Variants in PDE4D observed in about 807,000 individuals in gnomAD.
PDE4D encodes 3',5'-cyclic-AMP phosphodiesterase 4D.
A neutral mutation model predicts 87.4 loss-of-function variants in PDE4D; 24 were observed. That is an observed-to-expected ratio of 0.27 (90% confidence interval 0.20 to 0.39). The LOEUF is 0.39. PDE4D is among the 10% of genes least tolerant of loss of function. PDE4D has a pLI of 1.00. For synonymous variants in PDE4D, 384 were observed against 383.2 expected (o/e 1.00, Z -0.02); for missense variants, 714 against 1,041.0 (o/e 0.69, Z 4.32).
At chr5:59,778,486 A>G (rs1211593692) in intron 1 of PDE4D, among the ~76,000 whole-genome samples, 1 of 152,250 alleles carries the variant, frequency 6.6e-6, no homozygotes, top group Admixed American at 6.5e-5. Context: ...TATTACACCA[A>G]TATTATAAAG....
At chr5:58,976,871 G>A (rs1182101014) in intron 12 of PDE4D, among the ~76,000 whole-genome samples, 2 of 152,186 alleles carry the variant, frequency 1.3e-5, no homozygotes, top group African/African-American at 4.8e-5. Flanking sequence ...ATGAGAAAAG[G>A]TGGGGAAAAA....
intron 1 of PDE4D, among the ~76,000 whole-genome samples, chr5:59,735,526 GAAAGTGAGAATGGTACATTTTATAA>G (rs1355704167): frequency 6.6e-6 from 1 of 152,138 alleles, no homozygotes; most frequent in Non-Finnish European, 1.5e-5. Flanking sequence ...TACAAAATAA[GAAAGTGAGAATGGTACATTTTATAA>G]ATAACACTGA....
intron 1 of PDE4D, among the ~76,000 whole-genome samples, chr5:59,865,775 T>C (rs991222262): frequency 1.3e-5 from 2 of 152,218 alleles, no homozygotes; most frequent in African/African-American, 2.4e-5. Context: ...TTTGATTTCA[T>C]GTACATTATT....
chr5:59,099,259 C>T (rs1162873077), intron 5 of PDE4D, among the ~76,000 whole-genome samples: 1 of 152,112 alleles, frequency 6.6e-6, no homozygotes, highest in Non-Finnish European at 1.5e-5. Context: ...ACTGGTTAGC[C>T]AAAGAACTAG....
intron 1 of PDE4D, among the ~76,000 whole-genome samples, chr5:59,327,468 G>A (rs1056876095): frequency 1.2e-4 from 18 of 152,078 alleles, no homozygotes; most frequent in African/African-American, 2.4e-4. Context: ...TTAAGAAAGC[G>A]ATAGCACAAA....
chr5:59,219,741 C>T (rs1412267297), intron 1 of PDE4D, among the ~76,000 whole-genome samples: 2 of 152,006 alleles, frequency 1.3e-5, no homozygotes, highest in Non-Finnish European at 2.9e-5. Context: ...AATACTAAAA[C>T]ACGAAATTGT....
intron 3 of PDE4D, among the ~76,000 whole-genome samples, chr5:59,917,095 T>C (rs1754146627): frequency 2.0e-5 from 3 of 151,150 alleles, no homozygotes; most frequent in South Asian, 4.2e-4. Flanking sequence ...TGAGCCACCA[T>C]GCCCGGCCAT....
At chr5:59,011,530 G>C (rs971294704) in intron 6 of PDE4D, among the ~76,000 whole-genome samples, 4 of 152,098 alleles carry the variant, frequency 2.6e-5, no homozygotes, top group South Asian at 4.1e-4. Flanking sequence ...TCCATCAACT[G>C]GAAGAAAGGG....
intron 1 of PDE4D, among the ~76,000 whole-genome samples, chr5:60,219,996 ACTTGAATGGACTAG>A: frequency 6.6e-6 from 1 of 152,334 alleles, no homozygotes; most frequent in South Asian, 2.1e-4. Flanking sequence ...CATATTGGCT[ACTTGAATGGACTAG>A]TATAGTTCAC....
chr5:59,960,168 A>G (rs1040162659), intron 3 of PDE4D, among the ~76,000 whole-genome samples: 2 of 152,194 alleles, frequency 1.3e-5, no homozygotes, highest in South Asian at 4.1e-4. Flanking sequence ...ACCAGTCAGA[A>G]TGGCTACTAT....
intron 2 of PDE4D, among the ~76,000 whole-genome samples, chr5:60,123,994 G>A (rs758121975): frequency 7.9e-5 from 12 of 151,974 alleles, no homozygotes; most frequent in Non-Finnish European, 1.2e-4. Flanking sequence ...ACAAATGGTC[G>A]CATTTTCAAA....
At chr5:59,482,224 T>C (rs963309822) in intron 1 of PDE4D, among the ~76,000 whole-genome samples, 20 of 152,140 alleles carry the variant, frequency 1.3e-4, no homozygotes, top group African/African-American at 4.8e-4. Context: ...AGGCTTCTCC[T>C]ATTCTAGAGC....
At chr5:60,077,305 A>T (rs1773404338) in intron 2 of PDE4D, among the ~76,000 whole-genome samples, 1 of 152,204 alleles carries the variant, frequency 6.6e-6, no homozygotes, top group Non-Finnish European at 1.5e-5. Flanking sequence ...AAGTCTGCCC[A>T]TGCAAATACA....
intron 1 of PDE4D, among the ~76,000 whole-genome samples, chr5:60,428,449 A>G (rs1210119893): frequency 6.6e-6 from 1 of 152,194 alleles, no homozygotes; most frequent in Non-Finnish European, 1.5e-5. Flanking sequence ...AATTCACTCA[A>G]TAAATTCATT....
intron 1 of PDE4D, among the ~76,000 whole-genome samples, chr5:59,725,867 G>A (rs1283104510): frequency 6.6e-6 from 1 of 151,840 alleles, no homozygotes; most frequent in Non-Finnish European, 1.5e-5. Context: ...CTAAAAGATT[G>A]ATTGGAATAA....
chr5:60,006,738 C>T (rs958252057), intron 2 of PDE4D, among the ~76,000 whole-genome samples: 3 of 151,882 alleles, frequency 2.0e-5, no homozygotes, highest in Admixed American at 1.3e-4. Context: ...AGGTCTAATC[C>T]AACCATTAAG....
At chr5:59,125,412 T>C (rs1346404592) in intron 5 of PDE4D, 9 of 335,006 alleles carry the variant, frequency 2.7e-5, no homozygotes, top group Non-Finnish European at 3.8e-5. Flanking sequence ...GCCAACCTTA[T>C]TTGCTAATTC....
intron 2 of PDE4D, among the ~76,000 whole-genome samples, chr5:60,109,726 T>C (rs1369592198): frequency 9.9e-5 from 15 of 151,912 alleles, no homozygotes; most frequent in African/African-American, 2.2e-4. Flanking sequence ...AAGGATGAAA[T>C]TGGAAATCAT....
chr5:59,802,330 A>G (rs1187859882), intron 1 of PDE4D, among the ~76,000 whole-genome samples: 1 of 151,996 alleles, frequency 6.6e-6, no homozygotes, highest in East Asian at 1.9e-4. Context: ...GAAGCAGGAA[A>G]GTAATGCCCT....
Sources: allele counts gnomAD v4.1 joint callset (sites outside exome capture counted in the v4.1 genomes callset), GRCh38; gene constraint gnomAD v4.1.1; transcripts MANE v1.5; gene names NCBI Gene and HGNC (gene_info 2026-07-23, HGNC 2026-07-21).